Variants in PIEZO2 observed in about 807,000 individuals in gnomAD.
The protein encoded by PIEZO2 is piezo type mechanosensitive ion channel component 2, also known as piezo-type mechanosensitive ion channel component 2.
PIEZO2 carries 172 observed loss-of-function variants against 337.3 expected under a neutral mutation model. That is an observed-to-expected ratio of 0.51 (90% CI 0.45 to 0.58). PIEZO2 has a LOEUF of 0.58. Ranked by LOEUF, PIEZO2 falls within the 20% of genes least tolerant of loss-of-function variation. PIEZO2 has a pLI of 0.00. For missense variants in PIEZO2, 3,028 were observed against 3,391.3 expected, an observed-to-expected ratio of 0.89 and a Z score of 2.66; for synonymous variants, 1,251 against 1,228.5, an observed-to-expected ratio of 1.02 and a Z score of -0.38.
At chr18:10,695,516 G>A (rs761734514) in intron 47 of PIEZO2, among the ~76,000 whole-genome samples, 10 of 152,124 alleles carry the variant, frequency 6.6e-5, no homozygotes, top group African/African-American at 1.7e-4. Context: ...ATGGGTCTGC[G>A]TGCTTCTCTT....
chr18:10,759,930 G>T lies in PIEZO2; in HGVS notation c.3451-21C>A. The T allele has an allele frequency of 6.6e-7, 1 of 1,521,794 alleles. No homozygotes were observed. Among genetic ancestry groups the T allele is most frequent in the South Asian group, 1.2e-5 (1 of 82,860 alleles). The allele number at this position is 1,521,794 out of a possible 1,614,324, so 94.3% of individuals were successfully genotyped here. On this transcript the variant is annotated intron_variant, in intron 24 of 55. Transcript: ENST00000674853. This position sits in a 1 kb window ranked among gnomAD's most constrained non-coding sequence, Gnocchi z 5.5. ...CAGGTCTGTGTAAAGATGAAAAGAG[G>T]CAAAAAAAAAAAATCAGGCATATGG...
At chr18:10,928,887 C>T (rs1012970751) in intron 3 of PIEZO2, among the ~76,000 whole-genome samples, 2 of 152,174 alleles carry the variant, frequency 1.3e-5, no homozygotes, top group Non-Finnish European at 2.9e-5. Flanking sequence ...GAGTAATGCA[C>T]GTCTACTCAC....
chr18:10,772,955 T>A (rs532169558), intron 20 of PIEZO2, among the ~76,000 whole-genome samples: 196 of 152,352 alleles, frequency 1.3e-3, no homozygotes, highest in Non-Finnish European at 1.7e-3. Context: ...CCAGTTCCCA[T>A]GTCCTTAGGC....
At chr18:10,757,204 G>A (rs752116954) in intron 27 of PIEZO2, among the ~76,000 whole-genome samples, 7 of 150,280 alleles carry the variant, frequency 4.7e-5, no homozygotes, top group African/African-American at 7.4e-5. Context: ...ATGAGGAGGA[G>A]GGGTGGAGGA....
chr18:11,013,303 C>T (rs1029338071), intron 2 of PIEZO2, among the ~76,000 whole-genome samples: 7 of 152,112 alleles, frequency 4.6e-5, no homozygotes, highest in Non-Finnish European at 1.0e-4. Flanking sequence ...TCATTGCTGG[C>T]TTTGAAGACA....
Position 11,126,640 on chromosome 18 carries a change from T to C in PIEZO2, c.64+21885A>G, listed in dbSNP as rs939353085. 3.9e-5 allele frequency among the ~76,000 whole-genome samples: 6 copies of C among 152,154 alleles called. No individual in the cohort carries two copies. The highest frequency in any genetic ancestry group is 1.4e-4 in the African/African-American group (6 of 41,442). ...GAGCCATGCCTTACATATTTTTTTT[T>C]TTTTGTATTCCCAGAATCGAGCCAT... On this transcript the variant is annotated intron_variant, in intron 1 of 55. Transcript: ENST00000674853. This position sits in a 1 kb window ranked among gnomAD's most constrained non-coding sequence, Gnocchi z 4.6.
In PIEZO2 at chr18:10,943,174, G is replaced by T. The variant is rs150419853; in HGVS notation, c.287-31946C>A. On this transcript the variant is annotated intron_variant, in intron 3 of 55. Coordinates refer to ENST00000674853, the MANE Select transcript of PIEZO2 (RefSeq NM_001378183.1). This position sits in a 1 kb window ranked among gnomAD's most constrained non-coding sequence, Gnocchi z 4.5. ...GGAAATGTGGAGTCAGAGCCATGAC[G>T]CACAGTCCCTACTGGGGCACCACCT... is the stretch of plus-strand genomic sequence containing the variant. 6.6e-6 allele frequency among the ~76,000 whole-genome samples: 1 copy of T among 152,206 alleles called. No homozygotes were observed. The highest frequency in any genetic ancestry group is 3.2e-3 in the Middle Eastern group (1 of 316).
intron 35 of PIEZO2, among the ~76,000 whole-genome samples, chr18:10,733,349 T>C (rs1360274020): frequency 6.6e-6 from 1 of 151,980 alleles, no homozygotes; most frequent in Non-Finnish European, 1.5e-5. Context: ...GTTCCAGGAA[T>C]TATTAAGAGG....
At chr18:10,776,415 G>T (rs1335231565) in intron 18 of PIEZO2, among the ~76,000 whole-genome samples, 1 of 152,188 alleles carries the variant, frequency 6.6e-6, no homozygotes, top group Non-Finnish European at 1.5e-5. Flanking sequence ...TTGATAATCT[G>T]CATCATAAAT....
rs2033821758 is a variant in PIEZO2 at position 10,672,477 on chromosome 18, T to C, written c.8345+213A>G. ...GAAGACGTGGAGTAAAGAAGCCATA[T>C]ACCTGGGCTGTGTGAGTCACACTGG... On this transcript the variant is annotated intron_variant, in intron 55 of 55. Transcript: ENST00000674853. The surrounding 1 kb of genome is among the most constrained non-coding windows in gnomAD (Gnocchi z 4.7). 6.6e-6 allele frequency among the ~76,000 whole-genome samples: 1 copy of C among 152,192 alleles called. No individual in the cohort carries two copies. The highest frequency in any genetic ancestry group is 1.9e-4 in the East Asian group (1 of 5,200).
At chr18:10,966,214 T>G (rs1243643923) in intron 3 of PIEZO2, among the ~76,000 whole-genome samples, 2 of 152,218 alleles carry the variant, frequency 1.3e-5, no homozygotes, top group Non-Finnish European at 2.9e-5. Context: ...AATCTGGGCA[T>G]CATCTTAGGT....
intron 4 of PIEZO2, among the ~76,000 whole-genome samples, chr18:10,874,317 T>A (rs1384224639): frequency 6.6e-6 from 1 of 151,194 alleles, no homozygotes; most frequent in African/African-American, 2.4e-5. Flanking sequence ...CAAAAAAAAA[T>A]GCTGACAAGG....
rs2145744696 is a variant in PIEZO2 at position 11,027,529 on chromosome 18, TA to T, written c.160+38597del. 6.6e-6 allele frequency among the ~76,000 whole-genome samples: 1 copy of T among 152,344 alleles called. No individual in the cohort carries two copies. The highest frequency in any genetic ancestry group is 2.4e-5 in the African/African-American group (1 of 41,582). On this transcript the variant is annotated intron_variant, in intron 2 of 55. Transcript: ENST00000674853. The surrounding 1 kb of genome is among the most constrained non-coding windows in gnomAD (Gnocchi z 4.2). ...ATAGGTTTTGCATGAGAGTTATACC[TA>T]AAAGTCATCTGGAATAATCTTTAAC...
chr18:10,907,357 C>G (rs1000166691), intron 4 of PIEZO2, among the ~76,000 whole-genome samples: 9 of 151,718 alleles, frequency 5.9e-5, no homozygotes, highest in African/African-American at 1.9e-4. Context: ...GCAGGAGAAT[C>G]GCCTGAACCC....
intron 2 of PIEZO2, among the ~76,000 whole-genome samples, chr18:11,022,266 T>C (rs1037579312): frequency 6.6e-6 from 1 of 152,102 alleles, no homozygotes; most frequent in Non-Finnish European, 1.5e-5. Context: ...TAGCAGAGCC[T>C]GTAAGGAAAT....
intron 32 of PIEZO2, among the ~76,000 whole-genome samples, chr18:10,741,411 GT>G (rs2037213261): frequency 6.6e-6 from 1 of 152,142 alleles, no homozygotes. Context: ...ATATTCCATT[GT>G]ATTAACAGAA....
chr18:10,889,107 T>A (rs1047342859), intron 4 of PIEZO2, among the ~76,000 whole-genome samples: 3 of 152,130 alleles, frequency 2.0e-5, no homozygotes, highest in Non-Finnish European at 2.9e-5. Context: ...AGAGAAGAGA[T>A]GGAGAAGAGA....
chr18:10,768,170 AG>A (rs2038446352), intron 21 of PIEZO2, among the ~76,000 whole-genome samples: 1 of 152,168 alleles, frequency 6.6e-6, no homozygotes, highest in South Asian at 2.1e-4. Flanking sequence ...CTACCTGGGG[AG>A]GGACCCGAGT....
At position 10,921,085 on chromosome 18, in the gene PIEZO2, G is replaced by A. The variant is rs1265703126; in HGVS notation, c.287-9857C>T. Among the ~76,000 whole-genome samples the A allele has an allele frequency of 1.4e-4, 21 of 152,102 alleles. 1 individual carries two copies. The highest frequency in any genetic ancestry group is 1.4e-3 in the Admixed American group (21 of 15,264). On this transcript the variant is annotated intron_variant, in intron 3 of 55. Coordinates refer to ENST00000674853, the MANE Select transcript of PIEZO2 (RefSeq NM_001378183.1). ...AAACAAACAAACAAAGAATGTGCATGGAGGAGTTTTAAGAAAGAGGGAGTC... is the reference window on the plus strand; with the variant it reads ...AAACAAACAAACAAAGAATGTGCATAGAGGAGTTTTAAGAAAGAGGGAGTC...
Sources: allele counts gnomAD v4.1 joint callset (sites outside exome capture counted in the v4.1 genomes callset), GRCh38; gene constraint gnomAD v4.1.1; non-coding constraint Gnocchi (gnomAD v3.1); transcripts MANE v1.5; gene names NCBI Gene and HGNC (gene_info 2026-07-23, HGNC 2026-07-21).